Variants in RHBDD1 observed in about 807,000 individuals in gnomAD.
RHBDD1 encodes the protein rhomboid-related protein 4.
Under a neutral mutation model 36.3 loss-of-function variants are expected in RHBDD1, and 38 were observed. That is an observed-to-expected ratio of 1.05 (90% CI 0.81 to 1.37). RHBDD1 has a LOEUF of 1.37. Among genes scored for constraint, RHBDD1 ranks in the 40% most tolerant of loss-of-function variants. The pLI is 0.00. For synonymous variants in RHBDD1, 151 were observed against 136.5 expected, an observed-to-expected ratio of 1.11 and a Z score of -0.74; for missense variants, 393 against 377.6, an observed-to-expected ratio of 1.04 and a Z score of -0.34.
At chr2:226,942,554 A>G (rs148015045) in intron 8 of RHBDD1, 20 of 387,048 alleles carry the variant, frequency 5.2e-5, no homozygotes, top group African/African-American at 3.7e-4. Flanking sequence ...GATCATCTTG[A>G]ATTCAGAAAA....
upstream of RHBDD1, among the ~76,000 whole-genome samples, chr2:226,833,344 G>A (rs1940789992): frequency 6.6e-6 from 1 of 152,168 alleles, no homozygotes; most frequent in Admixed American, 6.5e-5. Context: ...TTTGTTGCAC[G>A]CTGTCGTTGC....
rs555651642 is a variant in RHBDD1 at position 226,954,177 on chromosome 2, G to A, written c.856+39826G>A. Among the ~76,000 whole-genome samples, 15 of 152,110 alleles carry A rather than the reference G, an allele frequency of 9.9e-5. 1 individual carries two copies. Among genetic ancestry groups the A allele is most frequent in the Non-Finnish European group, 2.2e-4 (15 of 68,024 alleles). ...AGAAACTGGACAATAAAGAAGACAG[G>A]GACAGGGGAGAGAGAAACAGAGATA... On this transcript the variant is annotated intron_variant, in intron 8 of 8. Transcript: ENST00000392062.
upstream of RHBDD1, among the ~76,000 whole-genome samples, chr2:226,830,674 CTTTT>C (rs1335976009): frequency 6.6e-6 from 1 of 151,862 alleles, no homozygotes; most frequent in African/African-American, 2.4e-5. Context: ...CAGATATAAA[CTTTT>C]TTTTATTTTT....
At chr2:226,984,678 TCTC>T (rs1956535033) in intron 8 of RHBDD1, among the ~76,000 whole-genome samples, 1 of 152,120 alleles carries the variant, frequency 6.6e-6, no homozygotes, top group African/African-American at 2.4e-5. Flanking sequence ...TTAGAAATAT[TCTC>T]CTGAAAGGAA....
chr2:226,913,945 T>A (rs1948709402), intron 7 of RHBDD1, among the ~76,000 whole-genome samples: 1 of 152,176 alleles, frequency 6.6e-6, no homozygotes, highest in Admixed American at 6.5e-5. Flanking sequence ...TCCAGTCTCT[T>A]CCCCAGGACT....
chr2:226,871,284 G>T (rs1944777781), intron 5 of RHBDD1, among the ~76,000 whole-genome samples: 1 of 152,070 alleles, frequency 6.6e-6, no homozygotes, highest in Admixed American at 6.5e-5. Context: ...AAATGTTGAT[G>T]CACCATTTGA....
chr2:226,863,665 T>C (rs890839488), intron 3 of RHBDD1, among the ~76,000 whole-genome samples: 10 of 152,192 alleles, frequency 6.6e-5, no homozygotes, highest in African/African-American at 2.4e-4. Flanking sequence ...CCCAGCAGGC[T>C]GGCCTAAAGT....
intron 8 of RHBDD1, among the ~76,000 whole-genome samples, chr2:226,979,153 G>A (rs796928436): frequency 6.6e-6 from 1 of 152,100 alleles, no homozygotes; most frequent in South Asian, 2.1e-4. Flanking sequence ...GTCAGTCTGA[G>A]GCCCAAGGCC....
the RHBDD1 span, among the ~76,000 whole-genome samples, chr2:226,817,370 C>T: frequency 6.6e-6 from 1 of 152,180 alleles, no homozygotes; most frequent in East Asian, 1.9e-4. Context: ...GGCCTAGTTG[C>T]TGGTGTTCTA....
chr2:226,992,781 G>T (rs4234064), intron 8 of RHBDD1, among the ~76,000 whole-genome samples: 71,108 of 151,992 alleles, frequency 0.47, 17,010 homozygotes, highest in South Asian at 0.57. Context: ...CTGAACACTT[G>T]CGGTGTGAGA....
intron 5 of RHBDD1, among the ~76,000 whole-genome samples, chr2:226,903,744 T>G (rs868495509): frequency 6.6e-6 from 1 of 152,022 alleles, no homozygotes; most frequent in Non-Finnish European, 1.5e-5. Context: ...GAACAGGCAT[T>G]CCTGTTTTTG....
At chr2:226,958,727 T>TGC (rs1408054216) in intron 8 of RHBDD1, among the ~76,000 whole-genome samples, 1 of 151,498 alleles carries the variant, frequency 6.6e-6, no homozygotes, top group Non-Finnish European at 1.5e-5. Context: ...TGTGTGTGTG[T>TGC]GTGTGTGTGT....
chr2:226,895,761 G>A (rs1947052256), intron 5 of RHBDD1: 12 of 985,376 alleles, frequency 1.2e-5, no homozygotes, highest in Non-Finnish European at 1.3e-5. Flanking sequence ...AGAAACACTT[G>A]CCTGTGCCAA....
intron 8 of RHBDD1, among the ~76,000 whole-genome samples, chr2:226,925,726 C>T (rs539889651): frequency 1.3e-5 from 2 of 152,148 alleles, no homozygotes; most frequent in African/African-American, 2.4e-5. Flanking sequence ...AGACCTGTTT[C>T]CTTGAAACTA....
chr2:226,978,715 G>A (rs924648073), intron 8 of RHBDD1, among the ~76,000 whole-genome samples: 1 of 152,206 alleles, frequency 6.6e-6, no homozygotes. Flanking sequence ...CACTAACCAT[G>A]GCATCATGTG....
the RHBDD1 span, chr2:226,808,291 A>C: frequency 1.3e-5 from 2 of 152,240 alleles, no homozygotes; most frequent in African/African-American, 4.8e-5. Context: ...AGATAAAATC[A>C]CCATCAACTG....
chr2:226,938,776 C>A (rs768628863), intron 8 of RHBDD1, among the ~76,000 whole-genome samples: 1 of 152,050 alleles, frequency 6.6e-6, no homozygotes, highest in Non-Finnish European at 1.5e-5. Flanking sequence ...CTAACTCATT[C>A]TATGAGTCCA....
intron 8 of RHBDD1, among the ~76,000 whole-genome samples, chr2:226,917,579 C>G (rs961087905): frequency 8.5e-5 from 13 of 152,080 alleles, no homozygotes; most frequent in African/African-American, 2.4e-4. Context: ...GAGTTACGTT[C>G]TAAAACTCCT....
the RHBDD1 span, chr2:226,804,564 C>A: frequency 6.6e-6 from 1 of 152,116 alleles, no homozygotes; most frequent in South Asian, 2.1e-4. Flanking sequence ...AGTGAGAATC[C>A]AGTTCTGCTC....
Sources: gnomAD v4.1 joint callset for allele counts (sites outside exome capture counted in the v4.1 genomes callset) on GRCh38, gnomAD v4.1.1 for gene constraint, MANE v1.5 for transcripts, NCBI Gene and HGNC (gene_info 2026-07-23, HGNC 2026-07-21) for gene names.